The following KLHL13 variants were observed in gnomAD, a reference collection of about 807,000 sequenced individuals.
KLHL13 encodes kelch like family member 13.
Under a neutral mutation model 37.1 loss-of-function variants are expected in KLHL13, and 10 were observed. The ratio of observed to expected loss-of-function variants is 0.27; its 90% CI spans 0.17 to 0.46. KLHL13 has a LOEUF of 0.46. Among genes scored for constraint, KLHL13 ranks in the 20% least tolerant of loss-of-function variants. The pLI, the probability that KLHL13 is intolerant of heterozygous loss-of-function variation, is 1.00. For missense variants in KLHL13, 360 were observed against 509.3 expected (o/e 0.71, Z 2.82); for synonymous variants, 163 against 181.2 (o/e 0.90, Z 0.81).
chrX:118,029,793 A>G (rs999949251), intron 1 of KLHL13, among the ~76,000 whole-genome samples: 5 of 110,134 alleles, frequency 4.5e-5, no homozygotes, highest in Non-Finnish European at 7.6e-5. Flanking sequence ...ATATGACAAC[A>G]CCCCGTCTCT....
intron 1 of KLHL13, among the ~76,000 whole-genome samples, chrX:118,106,802 C>T (rs2055352478): frequency 8.9e-6 from 1 of 111,939 alleles, no homozygotes; most frequent in Non-Finnish European, 1.9e-5. Flanking sequence ...CCCTCTAACA[C>T]CTAAAGCTGT....
chrX:117,943,388 G>T (rs1245423887), intron 2 of KLHL13, among the ~76,000 whole-genome samples: 1 of 110,761 alleles, frequency 9.0e-6, no homozygotes, highest in African/African-American at 3.3e-5. Context: ...GCTAGGTTGG[G>T]GAAGTTCTCC....
chrX:117,901,711 GC>G (rs1930104121), intron 6 of KLHL13, 121 bp downstream of exon 7: 1 of 342,827 alleles, frequency 2.9e-6, no homozygotes, highest in Non-Finnish European at 5.2e-6. Context: ...CACCATGTTG[GC>G]CCGCCTGGTC....
chrX:117,919,515 T>C lies in KLHL13; in HGVS notation c.570+6A>G. 2 of 1,192,073 alleles carry C rather than the reference T, an allele frequency of 1.7e-6. No homozygotes were observed. The highest frequency in any genetic ancestry group is 2.3e-6 in the Non-Finnish European group (2 of 879,634). On this transcript the variant is annotated splice_donor_region_variant and intron_variant, in intron 4 of 6. Coordinates refer to ENST00000262820, the Ensembl canonical transcript of KLHL13. Reference sequence around the variant, plus strand: ...ACAGGAAAAATCAGATTTCAAAATATCTTACCCCAGATATGAGAAACACTT... The same window carrying C: ...ACAGGAAAAATCAGATTTCAAAATACCTTACCCCAGATATGAGAAACACTT...
intron 2 of KLHL13, among the ~76,000 whole-genome samples, chrX:117,942,914 A>G (rs1288504110): frequency 9.0e-6 from 1 of 111,276 alleles, no homozygotes; most frequent in East Asian, 2.8e-4. Flanking sequence ...CAGTTTCTTC[A>G]TAGTGTCAAT....
intron 1 of KLHL13, among the ~76,000 whole-genome samples, chrX:117,992,445 C>G (rs942454448): frequency 1.8e-5 from 2 of 110,799 alleles, no homozygotes; most frequent in African/African-American, 6.6e-5. Flanking sequence ...TGTGTCATGT[C>G]CAAACAAATG....
intron 1 of KLHL13, among the ~76,000 whole-genome samples, chrX:118,040,157 A>G: frequency 9.0e-6 from 1 of 111,607 alleles, no homozygotes. Flanking sequence ...ACAAGTCCAC[A>G]CTGCAAAGAT....
chrX:117,966,310 T>C (rs932380123), intron 1 of KLHL13, among the ~76,000 whole-genome samples: 5 of 111,337 alleles, frequency 4.5e-5, no homozygotes, highest in Non-Finnish European at 9.4e-5. Context: ...CCATTCACAA[T>C]TGCTTCAAAG....
chrX:117,981,712 T>C (rs965478154), intron 1 of KLHL13, among the ~76,000 whole-genome samples: 1 of 111,517 alleles, frequency 9.0e-6, no homozygotes, highest in African/African-American at 3.3e-5. Flanking sequence ...TAAACAAAAA[T>C]ATTTATGTTT....
chrX:118,112,099 C>G (rs1341791760), intron 1 of KLHL13, among the ~76,000 whole-genome samples: 1 of 111,766 alleles, frequency 8.9e-6, no homozygotes, highest in Non-Finnish European at 1.9e-5. Context: ...TGGCCTAGCT[C>G]CAGAGCTTGA....
At chrX:118,035,094 T>C (rs1183150978) in intron 1 of KLHL13, among the ~76,000 whole-genome samples, 1 of 102,367 alleles carries the variant, frequency 9.8e-6, no homozygotes, top group Non-Finnish European at 1.9e-5. Context: ...ATTGTGGCAA[T>C]AATCAATGGT....
intron 1 of KLHL13, among the ~76,000 whole-genome samples, chrX:118,009,931 C>T (rs1321889183): frequency 9.2e-6 from 1 of 108,229 alleles, no homozygotes; most frequent in Non-Finnish European, 1.9e-5. Flanking sequence ...TTTCCTTGAG[C>T]AGTGGTTTGT....
chrX:118,018,255 T>C (rs1259242743), intron 1 of KLHL13, among the ~76,000 whole-genome samples: 1 of 111,439 alleles, frequency 9.0e-6, no homozygotes, highest in Admixed American at 9.6e-5. Context: ...TAATTTTTCA[T>C]AACAATTTTC....
At chrX:118,088,830 A>T (rs761613055) in intron 1 of KLHL13, among the ~76,000 whole-genome samples, 5 of 111,719 alleles carry the variant, frequency 4.5e-5, no homozygotes, top group Non-Finnish European at 9.4e-5. Flanking sequence ...TAAAAACATA[A>T]AATGGTTCTG....
At chrX:117,994,448 C>T (rs1602633470) in intron 1 of KLHL13, among the ~76,000 whole-genome samples, 1 of 110,526 alleles carries the variant, frequency 9.0e-6, no homozygotes, top group Admixed American at 9.6e-5. Flanking sequence ...GATGGGGTCT[C>T]GCTATGTTGC....
At chrX:117,948,341 C>T (rs1357529345) in intron 1 of KLHL13, among the ~76,000 whole-genome samples, 1 of 112,004 alleles carries the variant, frequency 8.9e-6, no homozygotes, top group African/African-American at 3.2e-5. Flanking sequence ...ATCACTAATT[C>T]TTCCAAGGCT....
chrX:118,003,461 CAA>C (rs2053948491), intron 1 of KLHL13, among the ~76,000 whole-genome samples: 1 of 111,569 alleles, frequency 9.0e-6, no homozygotes, highest in Non-Finnish European at 1.9e-5. Flanking sequence ...ATAAAAATAA[CAA>C]AAAGTATTAT....
rs1360984215 is a variant in KLHL13, at chrX:118,018,424, T to C, written c.-55-72849A>G. Among the ~76,000 whole-genome samples the C allele has an allele frequency of 2.6e-4, 29 of 111,834 alleles. 1 individual carries two copies. Among genetic ancestry groups the C allele is most frequent in the Admixed American group, 9.5e-5 (1 of 10,486 alleles). ...TGTTGCATCATAAACAGAACAAATA[T>C]AGATTTTTTACTAGTCCTTTATTTA... On this transcript the variant is annotated intron_variant, in intron 1 of 6. Coordinates refer to the KLHL13 transcript ENST00000371882.
At chrX:118,107,877 C>T (rs2055362593) in intron 1 of KLHL13, among the ~76,000 whole-genome samples, 1 of 111,387 alleles carries the variant, frequency 9.0e-6, no homozygotes, top group Non-Finnish European at 1.9e-5. Flanking sequence ...CATGGTGAAA[C>T]CCTGTCTCTA....
Sources: gnomAD v4.1 joint callset for allele counts (sites outside exome capture counted in the v4.1 genomes callset) on GRCh38, gnomAD v4.1.1 for gene constraint, MANE v1.5 for transcripts, NCBI Gene and HGNC (gene_info 2026-07-23, HGNC 2026-07-21) for gene names.